The following CLCF1 variants were observed in gnomAD, a reference collection of about 807,000 sequenced individuals.
The protein encoded by CLCF1 is cardiotrophin-like cytokine factor 1.
Under a neutral mutation model 21.2 loss-of-function variants are expected in CLCF1, and 10 were observed. The observed-to-expected ratio is 0.47, with a 90% CI of 0.29 to 0.80. The LOEUF (loss-of-function observed/expected upper bound fraction) is 0.80, where lower values mean the gene tolerates loss of function less well. Ranked by LOEUF, CLCF1 falls within the 30% of genes least tolerant of loss-of-function variation. The pLI is 0.09. For missense variants in CLCF1, 240 were observed against 293.4 expected (o/e 0.82, Z 1.33); for synonymous variants, 115 against 120.5 (o/e 0.95, Z 0.30).
intron 1 of CLCF1, 41 bp from the exon 2 acceptor site, chr11:67,367,667 C>T (rs1324507318): frequency 6.3e-7 from 1 of 1,599,598 alleles, no homozygotes. Context: ...GCGGCCCGGG[C>T]CCACACGGGG....
At chr11:67,373,633 C>T (rs779594800), upstream of CLCF1, 291 of 1,276,512 alleles carry the variant, frequency 2.3e-4, no homozygotes, top group Non-Finnish European at 2.8e-4. Context: ...TTTAATAATC[C>T]CATCCGCCAG....
chr11:67,369,790 C>T (rs1862190486), intron 1 of CLCF1: 1 of 985,312 alleles, frequency 1.0e-6, no homozygotes, highest in African/African-American at 1.7e-5. Flanking sequence ...CCAAGAGGTA[C>T]AGTCAGGAAC....
At chr11:67,373,803 G>A, upstream of CLCF1, 1 of 1,102,290 alleles carries the variant, frequency 9.1e-7, no homozygotes, top group Non-Finnish European at 1.1e-6. Context: ...AGGAGGGAAG[G>A]GAGGGCTTCT....
intron 1 of CLCF1, chr11:67,370,508 G>A (rs1019748499): frequency 1.0e-6 from 1 of 985,004 alleles, no homozygotes; most frequent in Non-Finnish European, 1.2e-6. Context: ...CACGTGAGGA[G>A]CTAACGAGTA....
chr11:67,366,922 C>T, intron 2 of CLCF1, among the ~76,000 whole-genome samples: 1 of 151,916 alleles, frequency 6.6e-6, no homozygotes, highest in East Asian at 1.9e-4. Context: ...AGCATAACCT[C>T]CATCCACACC....
chr11:67,367,304 G>A lies in CLCF1; in HGVS notation c.183+156C>T, dbSNP rs554634393. Among the ~76,000 whole-genome samples the A allele has an allele frequency of 7.9e-5, 12 of 152,306 alleles. No homozygotes were observed. In the East Asian group the frequency reaches 2.3e-3, roughly 29 times the overall value. ...ATGGGGAAGTGGGGGGGCCACCTAA[G>A]AGGGAAGGGCAGGAGATAGACCAGA... On this transcript the variant is annotated intron_variant, in intron 2 of 2. Transcript: ENST00000312438.
intron 1 of CLCF1, chr11:67,368,869 G>A: frequency 1.2e-5 from 12 of 977,924 alleles, no homozygotes; most frequent in Non-Finnish European, 1.5e-5. Context: ...TTGAATAGGT[G>A]TGAGGTCATG....
At position 67,368,177 on chromosome 11, in the gene CLCF1, A is replaced by G. The variant is rs112638676; in HGVS notation, c.17-551T>C. ...CCCATAGGAAGCAAGGTATAGGGTT[A>G]GACCACTAGGGTCGGGCTGCCTTAT... On this transcript the variant is annotated intron_variant, in intron 1 of 2. Coordinates refer to ENST00000312438, the MANE Select transcript of CLCF1 (RefSeq NM_013246.3). The G allele has an allele frequency of 1.0e-3, 1,023 of 985,418 alleles. 8 individuals are homozygous for G. In the African/African-American group the frequency reaches 0.017, roughly 16 times the overall value. The allele number at this position is 985,418 out of a possible 1,614,324, so 61.0% of individuals were successfully genotyped here.
At chr11:67,373,458 A>T in intron 1 of CLCF1, 66 bp downstream of exon 1, 2 of 915,402 alleles carry the variant, frequency 2.2e-6, no homozygotes, top group Non-Finnish European at 3.2e-6. Flanking sequence ...TCAGGGCAGG[A>T]CGGGAACCGG....
chr11:67,368,901 CTTTTTTTTTCCTTTTTTTTT>C (rs1251170102), intron 1 of CLCF1: 27 of 682,944 alleles, frequency 4.0e-5, no homozygotes, highest in Non-Finnish European at 4.6e-5. Context: ...TCCTATAGTT[CTTTTTTTTTCCTTTTTTTTT>C]TTTTTTTTTG....
chr11:67,370,630 ACT>A lies in CLCF1; in HGVS notation c.16+2892_16+2893del, dbSNP rs956291572. On this transcript the variant is annotated intron_variant, in intron 1 of 2. Coordinates refer to ENST00000312438, the MANE Select transcript of CLCF1 (RefSeq NM_013246.3). ...CTCATGAACACACACACACACACAC[ACT>A]CTCTCTCTCTTAGCCCAAGGAAGTG... is the stretch of plus-strand genomic sequence containing the variant. 3.0e-5 allele frequency: 26 copies of A among 878,156 alleles called. No homozygotes were observed. In the African/African-American group the frequency reaches 4.7e-4, roughly 16 times the overall value. 54.4% of individuals were successfully genotyped at this position (878,156 alleles called of 1,614,324 possible).
chr11:67,368,673 G>A (rs1200209125), intron 1 of CLCF1: 2 of 985,264 alleles, frequency 2.0e-6, no homozygotes, highest in East Asian at 1.1e-4. Context: ...TACTTTAAAA[G>A]TTTCAGATTA....
At position 67,365,698 on chromosome 11, in the gene CLCF1, C is replaced by A; in HGVS notation, c.184-68G>T. 1 of 1,522,366 alleles carries A rather than the reference C, an allele frequency of 6.6e-7. No individual in the cohort carries two copies. Among genetic ancestry groups the A allele is most frequent in the South Asian group, 1.3e-5 (1 of 75,888 alleles). The allele number at this position is 1,522,366 out of a possible 1,614,324, so 94.3% of individuals were successfully genotyped here. A position where few individuals can be genotyped will look rare whatever the true frequency, so the allele number is the denominator to read the frequency against. ...CGCTGGCTCACCACCAAGGAGATAC[C>A]TGCTCCCAAAGTTTCTATTTTTTGT... On this transcript the variant is annotated intron_variant, in intron 2 of 2. Coordinates refer to ENST00000312438, the MANE Select transcript of CLCF1 (RefSeq NM_013246.3). This position sits in a 1 kb window ranked among gnomAD's most constrained non-coding sequence, Gnocchi z 5.0.
chr11:67,373,889 C>T (rs1862291108), upstream of CLCF1, among the ~76,000 whole-genome samples: 1 of 149,620 alleles, frequency 6.7e-6, no homozygotes. Context: ...CCCTGGGCCT[C>T]CTGGGGGAGG....
rs763640141 is a variant in CLCF1, at chr11:67,365,604, G to A, written c.210C>T (p.Asn70=). The change falls in exon 3 of 3, where the codon AAC becomes AAT. Residue 70 remains asparagine, a synonymous_variant. Coordinates refer to ENST00000312438, the MANE Select transcript of CLCF1 (RefSeq NM_013246.3). This position sits in a 1 kb window ranked among gnomAD's most constrained non-coding sequence, Gnocchi z 5.0. ...GGCGGGGAGGGTTGAAGTCTGGCTC[G>A]TTGAAAGGGGGGCCCAGGTAGTTCA... ...TYLNYLGPPF[N]EPDFNPPRLG... is the part of the protein sequence containing the mutation. The A allele has an allele frequency of 2.0e-5, 32 of 1,612,260 alleles. No homozygotes were observed. In the Middle Eastern group the frequency reaches 8.2e-4, roughly 41 times the overall value.
At chr11:67,369,911 T>G (rs1245060556) in intron 1 of CLCF1, 16 of 974,516 alleles carry the variant, frequency 1.6e-5, no homozygotes, top group Non-Finnish European at 1.9e-5. Flanking sequence ...AGACAAGAAC[T>G]AAGTCATCTG....
At chr11:67,370,134 A>G in intron 1 of CLCF1, 1 of 985,414 alleles carries the variant, frequency 1.0e-6, no homozygotes, top group Non-Finnish European at 1.2e-6. Context: ...GTAGAAGGAC[A>G]GGGCTCTGCC....
In CLCF1 at chr11:67,365,478, G is replaced by A; in HGVS notation, c.336C>T (p.His112=). The change falls in exon 3 of 3, where the codon CAC becomes CAT. Residue 112 remains histidine (H), a synonymous_variant. Transcript: ENST00000312438. The surrounding 1 kb of genome is among the most constrained non-coding windows in gnomAD (Gnocchi z 5.0). ...RLTQNYEAYS[H]LLCYLRGLNR... is the part of the protein sequence containing the mutation. The stretch of plus-strand genomic sequence containing the variant: ...TGAGGCCACGCAAGTAACACAGAAG[G>A]TGGCTGTAGGCCTCGTAGTTCTGGG... 1.2e-6 allele frequency: 2 copies of A among 1,614,100 alleles called. No homozygotes were observed. Among genetic ancestry groups the A allele is most frequent in the Non-Finnish European group, 1.7e-6 (2 of 1,179,956 alleles).
chr11:67,371,962 T>C (rs143407336), intron 1 of CLCF1, among the ~76,000 whole-genome samples: 42 of 151,978 alleles, frequency 2.8e-4, no homozygotes, highest in Admixed American at 3.9e-4. Context: ...CGGGTGACAA[T>C]TGCCATCTCT....
Sources: gnomAD v4.1 joint callset for allele counts (sites outside exome capture counted in the v4.1 genomes callset) on GRCh38, gnomAD v4.1.1 for gene constraint, Gnocchi (gnomAD v3.1) non-coding constraint, MANE v1.5 for transcripts, NCBI Gene and HGNC (gene_info 2026-07-23, HGNC 2026-07-21) for gene names.